The following LRMDA variants were observed in gnomAD, a reference collection of about 807,000 sequenced individuals.
LRMDA encodes the protein leucine-rich melanocyte differentiation-associated protein.
A neutral mutation model predicts 29.8 loss-of-function variants in LRMDA; 18 were observed. The ratio of observed to expected loss-of-function variants is 0.60; its 90% CI spans 0.42 to 0.90. LRMDA has a LOEUF of 0.90. Ranked by LOEUF, LRMDA falls within the 40% of genes least tolerant of loss-of-function variation. The pLI is 0.00. For missense variants in LRMDA, 273 were observed against 273.9 expected (o/e 1.00, Z 0.02); for synonymous variants, 125 against 109.4 (o/e 1.14, Z -0.89).
intron 2 of LRMDA, among the ~76,000 whole-genome samples, chr10:75,469,951 C>A (rs1844706576): frequency 6.6e-6 from 1 of 152,058 alleles, no homozygotes; most frequent in Admixed American, 6.5e-5. Context: ...AGGGCACTAA[C>A]CCTGAATCAG....
intron 6 of LRMDA, among the ~76,000 whole-genome samples, chr10:76,414,549 T>G (rs1841995617): frequency 6.6e-6 from 1 of 152,232 alleles, no homozygotes; most frequent in Non-Finnish European, 1.5e-5. Flanking sequence ...AGAGATTGAT[T>G]TATACTTCTG....
chr10:75,917,494 T>G (rs1284085212), intron 2 of LRMDA, among the ~76,000 whole-genome samples: 1 of 152,114 alleles, frequency 6.6e-6, no homozygotes, highest in Non-Finnish European at 1.5e-5. Context: ...GAAATACTCC[T>G]CCTAAATGAA....
At chr10:76,416,073 G>A (rs1376758117) in intron 6 of LRMDA, among the ~76,000 whole-genome samples, 1 of 152,180 alleles carries the variant, frequency 6.6e-6, no homozygotes, top group Non-Finnish European at 1.5e-5. Context: ...CACTGATAGT[G>A]CCAGATAAAT....
At chr10:75,512,035 T>C (rs184908085) in intron 2 of LRMDA, among the ~76,000 whole-genome samples, 12 of 152,360 alleles carry the variant, frequency 7.9e-5, no homozygotes, top group East Asian at 1.9e-4. Flanking sequence ...GGTTCTGTCA[T>C]GTACCAGGTT....
At chr10:75,876,774 A>G (rs1454277106) in intron 2 of LRMDA, among the ~76,000 whole-genome samples, 1 of 152,164 alleles carries the variant, frequency 6.6e-6, no homozygotes, top group Admixed American at 6.5e-5. Context: ...TGACATAACA[A>G]GATTCAATAA....
chr10:75,592,882 CTT>C (rs2132085360), intron 2 of LRMDA, among the ~76,000 whole-genome samples: 1 of 152,276 alleles, frequency 6.6e-6, no homozygotes, highest in East Asian at 1.9e-4. Context: ...CCCTCCTGTC[CTT>C]TTCTTCAGTC....
At chr10:75,814,461 G>A (rs1429928637) in intron 2 of LRMDA, among the ~76,000 whole-genome samples, 2 of 152,176 alleles carry the variant, frequency 1.3e-5, no homozygotes, top group African/African-American at 4.8e-5. Flanking sequence ...CCTAAAGGGG[G>A]AAATAATTTG....
chr10:76,205,885 T>C (rs1851525316), intron 5 of LRMDA, among the ~76,000 whole-genome samples: 1 of 152,084 alleles, frequency 6.6e-6, no homozygotes, highest in African/African-American at 2.4e-5. Flanking sequence ...GCCAGCAACA[T>C]TGGCATCACC....
chr10:76,067,673 C>G (rs1163172857), intron 5 of LRMDA, among the ~76,000 whole-genome samples: 1 of 152,128 alleles, frequency 6.6e-6, no homozygotes, highest in Non-Finnish European at 1.5e-5. Context: ...GCCCACCCCT[C>G]CCAATTCTTT....
intron 2 of LRMDA, among the ~76,000 whole-genome samples, chr10:76,013,225 C>A (rs780966207): frequency 6.6e-6 from 1 of 151,688 alleles, no homozygotes; most frequent in Non-Finnish European, 1.5e-5. Flanking sequence ...GCCCAGGTGG[C>A]GCTGTCCTTA....
intron 5 of LRMDA, among the ~76,000 whole-genome samples, chr10:76,310,704 GT>G (rs1371446704): frequency 2.6e-5 from 4 of 152,144 alleles, no homozygotes; most frequent in Non-Finnish European, 4.4e-5. Context: ...GATCCATCAA[GT>G]TTAAGGCCAT....
chr10:76,170,468 A>G (rs747355706), intron 5 of LRMDA, among the ~76,000 whole-genome samples: 2 of 152,202 alleles, frequency 1.3e-5, no homozygotes, highest in Non-Finnish European at 2.9e-5. Context: ...AGGCTTCTAG[A>G]GTTTAGTTCC....
Position 76,165,145 on chromosome 10 carries a change from G to A in LRMDA, c.516+106362G>A, listed in dbSNP as rs552835483. On this transcript the variant is annotated intron_variant, in intron 5 of 6. Transcript: ENST00000611255. Reference sequence around the variant, plus strand: ...CTGCCACCATGCCCACCTAATTTCTGTATTTTAAGTAGAGATGGGGTTTCA... The same window carrying A: ...CTGCCACCATGCCCACCTAATTTCTATATTTTAAGTAGAGATGGGGTTTCA... Among the ~76,000 whole-genome samples the A allele has an allele frequency of 7.2e-5, 11 of 152,262 alleles. No homozygotes were observed. In the East Asian group the frequency reaches 2.1e-3, roughly 29 times the overall value.
intron 2 of LRMDA, among the ~76,000 whole-genome samples, chr10:75,862,815 C>G (rs1006719869): frequency 2.6e-5 from 4 of 152,086 alleles, no homozygotes; most frequent in Admixed American, 2.6e-4. Flanking sequence ...TTTTTCTGTT[C>G]GCTTCACTTC....
In LRMDA at chr10:75,568,707, CA is replaced by C. The variant is rs1388623614; in HGVS notation, c.131+130214del. Among the ~76,000 whole-genome samples, 3 of 152,166 alleles carry C rather than the reference CA, an allele frequency of 2.0e-5. 1 individual carries two copies. The highest frequency in any genetic ancestry group is 2.0e-4 in the Admixed American group (3 of 15,268). On this transcript the variant is annotated intron_variant, in intron 2 of 6. Coordinates refer to ENST00000611255, the MANE Select transcript of LRMDA (RefSeq NM_001305581.2). ...TTTAGGGTCAGGCATCTGAATGCCCCAGCTGGGTTTCTCCCAGCCTTTTGGT... is the reference window on the plus strand; with the variant it reads ...TTTAGGGTCAGGCATCTGAATGCCCCGCTGGGTTTCTCCCAGCCTTTTGGT...
chr10:75,565,925 A>AT (rs980303647), intron 2 of LRMDA, among the ~76,000 whole-genome samples: 9 of 152,130 alleles, frequency 5.9e-5, no homozygotes, highest in African/African-American at 2.2e-4. Context: ...AAATTTAAAA[A>AT]TTAGCTGGGT....
In LRMDA at chr10:75,823,685, AGTGTGTGTGTGTGTGT is replaced by A. The variant is rs141426887; in HGVS notation, c.132-212294_132-212279del. Among the ~76,000 whole-genome samples, 1,149 of 144,158 alleles carry A rather than the reference AGTGTGTGTGTGTGTGT, an allele frequency of 8.0e-3. 7 individuals are homozygous for A. The highest frequency in any genetic ancestry group is 0.012 in the African/African-American group (471 of 38,092). 94.6% of individuals were successfully genotyped at this position (144,158 alleles called of 152,430 possible). On this transcript the variant is annotated intron_variant, in intron 2 of 6. Transcript: ENST00000611255. ...TCAATGGATGATTGGATTAAAATGT[AGTGTGTGTGTGTGTGT>A]GTGTGTGTGTGTGTGTGTGTGTGTG...
chr10:76,240,791 TAGATAGATAGATAC>T (rs1564697101), intron 5 of LRMDA, among the ~76,000 whole-genome samples: 2 of 120,058 alleles, frequency 1.7e-5, no homozygotes, highest in African/African-American at 6.2e-5. Context: ...GATAGATAGA[TAGATAGATAGATAC>T]ACATATATAT....
At chr10:75,677,528 C>T (rs564745688) in intron 2 of LRMDA, among the ~76,000 whole-genome samples, 109 of 152,150 alleles carry the variant, frequency 7.2e-4, no homozygotes, top group Non-Finnish European at 1.2e-3. Flanking sequence ...CCCTTTGCAT[C>T]GAGGAGATAC....
Sources: allele counts gnomAD v4.1 joint callset (sites outside exome capture counted in the v4.1 genomes callset), GRCh38; gene constraint gnomAD v4.1.1; transcripts MANE v1.5; gene names NCBI Gene and HGNC (gene_info 2026-07-23, HGNC 2026-07-21).